Variants in GALNTL6 observed in about 807,000 individuals in gnomAD.
GALNTL6 encodes the protein polypeptide N-acetylgalactosaminyltransferase like 6.
Under a neutral mutation model 73.7 loss-of-function variants are expected in GALNTL6, and 46 were observed. That is an observed-to-expected ratio of 0.62 (90% confidence interval 0.49 to 0.80). GALNTL6 has a LOEUF of 0.80. Ranked by LOEUF, GALNTL6 falls within the 30% of genes least tolerant of loss-of-function variation. The pLI is 0.00. For synonymous variants in GALNTL6, 259 were observed against 263.7 expected (o/e 0.98, Z 0.17); for missense variants, 604 against 755.0 (o/e 0.80, Z 2.34).
chr4:172,502,832 A>G (rs1734309395), intron 5 of GALNTL6, among the ~76,000 whole-genome samples: 1 of 152,200 alleles, frequency 6.6e-6, no homozygotes, highest in African/African-American at 2.4e-5. Context: ...GCTCCCAACC[A>G]CAGCAGGAGT....
At chr4:172,540,949 A>G (rs929931777) in intron 5 of GALNTL6, among the ~76,000 whole-genome samples, 1 of 152,238 alleles carries the variant, frequency 6.6e-6, no homozygotes, top group Non-Finnish European at 1.5e-5. Context: ...TAGATCTAGG[A>G]AAGGCCTAGA....
At chr4:172,244,996 A>G (rs911090921) in intron 3 of GALNTL6, among the ~76,000 whole-genome samples, 4 of 152,176 alleles carry the variant, frequency 2.6e-5, no homozygotes, top group Non-Finnish European at 5.9e-5. Context: ...AGCCTTGATC[A>G]TGAAGAAACA....
intron 5 of GALNTL6, among the ~76,000 whole-genome samples, chr4:172,637,274 G>A (rs1739740832): frequency 6.6e-6 from 1 of 152,056 alleles, no homozygotes; most frequent in Non-Finnish European, 1.5e-5. Context: ...CAATTCCAAT[G>A]TTTAGAAACT....
At chr4:172,819,384 G>A (rs1741798860) in intron 7 of GALNTL6, among the ~76,000 whole-genome samples, 1 of 152,156 alleles carries the variant, frequency 6.6e-6, no homozygotes, top group Non-Finnish European at 1.5e-5. Flanking sequence ...TTTAGGCTTA[G>A]AATAAAATCA....
rs548361727 is a variant in GALNTL6, at chr4:172,716,897, G to C, written c.554-92464G>C. Among the ~76,000 whole-genome samples the C allele has an allele frequency of 2.6e-5, 4 of 152,206 alleles. No individual in the cohort carries two copies. The East Asian group carries it at 7.7e-4, about 29-fold the overall frequency. ...GTTCTACAAATTCCTTGCATAGTTG[G>C]AGTTTATGTCATTTTTCATATGCTA... On this transcript the variant is annotated intron_variant, in intron 5 of 12. Coordinates refer to ENST00000506823, the MANE Select transcript of GALNTL6 (RefSeq NM_001034845.3).
At chr4:172,556,079 T>C (rs948609716) in intron 5 of GALNTL6, among the ~76,000 whole-genome samples, 2 of 152,136 alleles carry the variant, frequency 1.3e-5, no homozygotes, top group African/African-American at 4.8e-5. Context: ...TCCATGATTT[T>C]AAACTTAAAT....
chr4:171,972,174 G>C (rs1265543561), intron 2 of GALNTL6, among the ~76,000 whole-genome samples: 1 of 152,058 alleles, frequency 6.6e-6, no homozygotes, highest in Non-Finnish European at 1.5e-5. Context: ...ACAACTTGTA[G>C]TTTTGCAACA....
rs188423793 is a variant in GALNTL6 at position 172,066,446 on chromosome 4, T to C, written c.139-163210T>C. Among the ~76,000 whole-genome samples the C allele has an allele frequency of 2.2e-3, 336 of 152,290 alleles. 1 individual carries two copies. The highest frequency in any genetic ancestry group is 3.6e-3 in the Non-Finnish European group (243 of 68,032). On this transcript the variant is annotated intron_variant, in intron 2 of 12. Transcript: ENST00000506823. ...TTTCTTTGCTTTAGTAAGATAAATC[T>C]CAAAGCAGCTAAGTTTCTATTTCTT...
chr4:171,971,438 A>G (rs1236967930), intron 2 of GALNTL6, among the ~76,000 whole-genome samples: 1 of 152,212 alleles, frequency 6.6e-6, no homozygotes, highest in African/African-American at 2.4e-5. Context: ...TATATTTTGA[A>G]TTTATAATTG....
intron 5 of GALNTL6, among the ~76,000 whole-genome samples, chr4:172,361,517 A>C (rs930644395): frequency 3.3e-5 from 5 of 152,170 alleles, no homozygotes; most frequent in Non-Finnish European, 7.4e-5. Flanking sequence ...TTACTTTCCA[A>C]GGTTTGAAAA....
intron 2 of GALNTL6, among the ~76,000 whole-genome samples, chr4:171,922,615 T>C (rs1412703362): frequency 6.6e-6 from 1 of 152,118 alleles, no homozygotes; most frequent in Non-Finnish European, 1.5e-5. Context: ...AGTTTTTCTC[T>C]GAATTCTCTT....
intron 2 of GALNTL6, among the ~76,000 whole-genome samples, chr4:172,174,805 C>CA (rs1404116489): frequency 1.3e-5 from 2 of 152,052 alleles, no homozygotes; most frequent in East Asian, 3.9e-4. Flanking sequence ...GATATGTACA[C>CA]AAAATAATCA....
intron 2 of GALNTL6, among the ~76,000 whole-genome samples, chr4:172,162,891 A>G (rs1734516755): frequency 6.6e-6 from 1 of 152,082 alleles, no homozygotes; most frequent in Non-Finnish European, 1.5e-5. Context: ...GCTTTAGACA[A>G]AACTCTATAT....
chr4:173,022,490 A>ACAT (rs1302178143), intron 12 of GALNTL6, among the ~76,000 whole-genome samples: 1 of 152,258 alleles, frequency 6.6e-6, no homozygotes, highest in African/African-American at 2.4e-5. Flanking sequence ...ATAATTTTTA[A>ACAT]CATCACCATT....
intron 10 of GALNTL6, among the ~76,000 whole-genome samples, chr4:172,981,742 G>A (rs1751071351): frequency 6.7e-6 from 1 of 149,170 alleles, no homozygotes; most frequent in African/African-American, 2.5e-5. Context: ...AAAACATTGA[G>A]ATATTGATAG....
At chr4:171,870,752 C>T (rs756583029) in intron 2 of GALNTL6, among the ~76,000 whole-genome samples, 2 of 152,106 alleles carry the variant, frequency 1.3e-5, no homozygotes, top group African/African-American at 4.8e-5. Flanking sequence ...AATTTGCAGA[C>T]AGACACATAC....
chr4:172,760,324 G>A (rs991468781), intron 5 of GALNTL6, among the ~76,000 whole-genome samples: 2 of 152,282 alleles, frequency 1.3e-5, no homozygotes, highest in Admixed American at 6.5e-5. Context: ...GCTACAAAAG[G>A]CCTTGAAAAT....
At chr4:172,726,962 G>A (rs1735852317) in intron 5 of GALNTL6, among the ~76,000 whole-genome samples, 1 of 152,030 alleles carries the variant, frequency 6.6e-6, no homozygotes, top group Non-Finnish European at 1.5e-5. Flanking sequence ...TTAACTTTCA[G>A]GAATCAAATA....
At chr4:172,151,139 T>C (rs1045444895) in intron 2 of GALNTL6, among the ~76,000 whole-genome samples, 7 of 152,140 alleles carry the variant, frequency 4.6e-5, no homozygotes, top group Non-Finnish European at 7.4e-5. Context: ...TACCATTCTA[T>C]CTATATAGAT....
Sources: allele counts gnomAD v4.1 joint callset (sites outside exome capture counted in the v4.1 genomes callset), GRCh38; gene constraint gnomAD v4.1.1; transcripts MANE v1.5; gene names NCBI Gene and HGNC (gene_info 2026-07-23, HGNC 2026-07-21).